DNAH3: variants seen among roughly 807,000 people sequenced by gnomAD.
DNAH3 encodes the protein dynein axonemal heavy chain 3, also known as axonemal beta dynein heavy chain 3.
In DNAH3, 332 loss-of-function variants were observed where a neutral mutation model predicts 432.5. That is an observed-to-expected ratio of 0.77 (90% CI 0.70 to 0.84). The LOEUF (loss-of-function observed/expected upper bound fraction) is 0.84. DNAH3 is among the 40% of genes least tolerant of loss of function. DNAH3 has a pLI of 0.00. For missense variants in DNAH3, 4,861 were observed against 5,114.0 expected (o/e 0.95, Z 1.51); for synonymous variants, 1,956 against 1,900.2 (o/e 1.03, Z -0.76).
chr16:20,963,453 T>C, exon 53 of DNAH3: 1 of 1,614,056 alleles, frequency 6.2e-7, no homozygotes, highest in South Asian at 1.1e-5. Flanking sequence ...GCCGCAAACA[T>C]CGAAGGATCA....
intron 16 of DNAH3, among the ~76,000 whole-genome samples, chr16:21,099,592 C>T (rs1314478264): frequency 6.6e-6 from 1 of 152,068 alleles, no homozygotes; most frequent in Admixed American, 6.6e-5. Context: ...CTTCAAATTC[C>T]CACCTTGCCA....
chr16:20,933,411 T>G (rs1445681831), exon 62 of DNAH3: 5 of 1,614,038 alleles, frequency 3.1e-6, no homozygotes, highest in Non-Finnish European at 4.2e-6. Context: ...CCAATCTGCA[T>G]CGTTTTCCTG....
At chr16:21,112,222 C>T in intron 12 of DNAH3, 124 bp from the exon 13 acceptor site, 1 of 668,192 alleles carries the variant, frequency 1.5e-6, no homozygotes, top group Admixed American at 2.9e-5. Context: ...GGAAAGAGAA[C>T]TATAATGTGG....
chr16:21,014,521 T>G (rs370760893), intron 41 of DNAH3, among the ~76,000 whole-genome samples: 1 of 152,184 alleles, frequency 6.6e-6, no homozygotes, highest in South Asian at 2.1e-4. Flanking sequence ...AAGAACTAGA[T>G]GCTTTCCTCC....
At chr16:21,063,257 G>A (rs912809849) in intron 24 of DNAH3, among the ~76,000 whole-genome samples, 5 of 152,154 alleles carry the variant, frequency 3.3e-5, no homozygotes, top group African/African-American at 4.8e-5. Flanking sequence ...TGATCTGGGA[G>A]TGCGGCTGAT....
intron 27 of DNAH3, among the ~76,000 whole-genome samples, chr16:21,055,927 G>C (rs148166076): frequency 2.6e-5 from 4 of 152,040 alleles, no homozygotes; most frequent in Middle Eastern, 3.4e-3. Flanking sequence ...TTGTAGAGAT[G>C]GGGTCTCACT....
chr16:21,117,701 T>C (rs1015235570), intron 11 of DNAH3, among the ~76,000 whole-genome samples: 8 of 152,160 alleles, frequency 5.3e-5, no homozygotes, highest in Non-Finnish European at 1.2e-4. Flanking sequence ...TAGATGAATG[T>C]GTAATGAGAT....
In DNAH3 at chr16:21,037,782, C is replaced by T. The variant is rs1312058412; in HGVS notation, c.4929G>A (p.Ala1643=). The T allele has an allele frequency of 6.2e-6, 10 of 1,614,132 alleles. No individual in the cohort carries two copies. The highest frequency in any genetic ancestry group is 5.5e-5 in the South Asian group (5 of 91,074). ...ATACCTGAAACAGAGGGACATCTTG[C>T]GCTAAGAACTTGGCCAGATTGACAT... is the stretch of plus-strand genomic sequence containing the variant. The change falls in exon 34 of 62, where the codon GCG becomes GCA. Residue 1643 remains alanine (A), a synonymous_variant. Transcript: ENST00000261383.
At chr16:21,123,472 T>C (rs895058144) in intron 9 of DNAH3, among the ~76,000 whole-genome samples, 2 of 152,206 alleles carry the variant, frequency 1.3e-5, no homozygotes, top group Admixed American at 1.3e-4. Flanking sequence ...TGAGATTGGC[T>C]TCCACCCCTG....
chr16:20,970,118 G>A, intron 51 of DNAH3, 128 bp from the exon 52 acceptor site: 1 of 854,052 alleles, frequency 1.2e-6, no homozygotes, highest in Non-Finnish European at 1.9e-6. Flanking sequence ...CTTTAACATG[G>A]TGCCTGCCGC....
intron 41 of DNAH3, among the ~76,000 whole-genome samples, chr16:21,015,665 T>A (rs1264587159): frequency 6.6e-6 from 1 of 152,234 alleles, no homozygotes; most frequent in African/African-American, 2.4e-5. Context: ...AGAAGTGGCA[T>A]ATGGAAACTC....
intron 11 of DNAH3, among the ~76,000 whole-genome samples, chr16:21,117,602 C>T (rs1261741083): frequency 1.3e-5 from 2 of 152,134 alleles, no homozygotes; most frequent in African/African-American, 2.4e-5. Context: ...TCCTGCTCAC[C>T]GCCCCACAAC....
chr16:20,950,603 G>A (rs184481202), intron 56 of DNAH3, among the ~76,000 whole-genome samples: 10 of 152,254 alleles, frequency 6.6e-5, no homozygotes, highest in Non-Finnish European at 1.3e-4. Flanking sequence ...GGTATACAGT[G>A]TCTGCCACGT....
chr16:21,081,157 G>A (rs1476273883), intron 20 of DNAH3, among the ~76,000 whole-genome samples: 1 of 152,028 alleles, frequency 6.6e-6, no homozygotes, highest in African/African-American at 2.4e-5. Flanking sequence ...GACCTCAAGT[G>A]GTCCGCCTGC....
In DNAH3 at chr16:20,987,935, CTCT is replaced by C; in HGVS notation, c.6725+4_6725+6del. Reference sequence around the variant, plus strand: ...CCACTATCCAGGAAGACAGAGAAACCTCTTACCTTAAAAACATCACATCAAACC... The same window carrying C: ...CCACTATCCAGGAAGACAGAGAAACCTACCTTAAAAACATCACATCAAACC... On this transcript the variant is annotated splice_donor_5th_base_variant and intron_variant, in intron 45 of 61. Transcript: ENST00000261383. The C allele has an allele frequency of 6.2e-7, 1 of 1,614,166 alleles. No homozygotes were observed. The highest frequency in any genetic ancestry group is 8.5e-7 in the Non-Finnish European group (1 of 1,180,036).
intron 43 of DNAH3, among the ~76,000 whole-genome samples, chr16:20,998,270 T>C (rs2086852167): frequency 6.6e-6 from 1 of 152,108 alleles, no homozygotes; most frequent in Non-Finnish European, 1.5e-5. Flanking sequence ...TTTGTTTTTG[T>C]TTTTGAGACA....
At chr16:21,128,417 G>T (rs534738648) in intron 7 of DNAH3, among the ~76,000 whole-genome samples, 1 of 141,314 alleles carries the variant, frequency 7.1e-6, no homozygotes, top group Non-Finnish European at 1.5e-5. Context: ...AAAAAAGGCC[G>T]GGCGCGGTGG....
intron 44 of DNAH3, among the ~76,000 whole-genome samples, chr16:20,993,392 A>G (rs1288261735): frequency 6.6e-6 from 1 of 152,312 alleles, no homozygotes; most frequent in South Asian, 2.1e-4. Context: ...GTCTCTCCAC[A>G]GTCATTTTGA....
At chr16:21,115,695 A>G in intron 12 of DNAH3, among the ~76,000 whole-genome samples, 1 of 151,282 alleles carries the variant, frequency 6.6e-6, no homozygotes, top group South Asian at 2.1e-4. Flanking sequence ...TGACAGAGCG[A>G]GATGCCATCT....
Sources: gnomAD v4.1 joint callset for allele counts (sites outside exome capture counted in the v4.1 genomes callset) on GRCh38, gnomAD v4.1.1 for gene constraint, MANE v1.5 for transcripts, NCBI Gene and HGNC (gene_info 2026-07-23, HGNC 2026-07-21) for gene names.